Variants in ANKRD36 observed in about 807,000 individuals in gnomAD.
ANKRD36 encodes the protein ankyrin repeat domain 36.
In ANKRD36, 179 loss-of-function variants were observed where a neutral mutation model predicts 278.1. The observed-to-expected ratio is 0.64, with a 90% CI of 0.57 to 0.73. ANKRD36 has a LOEUF of 0.73. Ranked by LOEUF, ANKRD36 falls within the 30% of genes least tolerant of loss-of-function variation. ANKRD36 has a pLI of 0.00. For missense variants in ANKRD36, 1,159 were observed against 1,956.7 expected (o/e 0.59, Z 7.69); for synonymous variants, 320 against 641.1 (o/e 0.50, Z 7.57).
At chr2:97,122,558 A>G (rs2037181491) in intron 3 of ANKRD36, among the ~76,000 whole-genome samples, 1 of 149,166 alleles carries the variant, frequency 6.7e-6, no homozygotes, top group South Asian at 2.2e-4. Context: ...TGCTGCCCTC[A>G]AGAAGCTCTT....
At chr2:97,217,439 T>C in intron 64 of ANKRD36, 67 bp downstream of exon 64, 3 of 1,545,182 alleles carry the variant, frequency 1.9e-6, no homozygotes, top group Admixed American at 2.0e-5. Context: ...CACCCCTGAA[T>C]AGATCAGCAG....
intron 67 of ANKRD36, among the ~76,000 whole-genome samples, chr2:97,226,984 T>C (rs2069951044): frequency 6.6e-6 from 1 of 152,090 alleles, no homozygotes; most frequent in African/African-American, 2.4e-5. Flanking sequence ...CATTGGTCTA[T>C]ATCTCTGTTT....
rs1171173814 is a variant in ANKRD36, at chr2:97,213,446, A to G, written c.3497A>G (p.Lys1166Arg). The G allele has an allele frequency of 1.9e-6, 1 of 535,578 alleles. No individual in the cohort carries two copies. Among genetic ancestry groups the G allele is most frequent in the African/African-American group, 3.3e-5 (1 of 30,414 alleles). 33.2% of individuals were successfully genotyped at this position (535,578 alleles called of 1,614,324 possible). A position where few individuals can be genotyped will look rare whatever the true frequency, so the allele number is the denominator to read the frequency against. ...TVSCQKQPAL[K>R]ATSDKKDSVS... ...TCTTGTCAGAAACAACCAGCCTTGA[A>G]GGTAATTAAACTCTCATTTATATTG... is the stretch of plus-strand genomic sequence containing the variant. Residue 1166 changes from lysine to arginine, a missense_variant and splice_region_variant, in exon 59 of 76, where the codon AAG (lysine) becomes AGG (arginine). By Grantham distance (26) the Lys-to-Arg change is conservative. Coordinates refer to ENST00000420699, the MANE Select transcript of ANKRD36 (RefSeq NM_001354587.1).
chr2:97,159,028 GAAGT>G (rs2048207095), intron 17 of ANKRD36, among the ~76,000 whole-genome samples: 2 of 152,154 alleles, frequency 1.3e-5, no homozygotes, highest in South Asian at 2.1e-4. Flanking sequence ...GGAGGGGAAA[GAAGT>G]AAGAATACAG....
intron 68 of ANKRD36, among the ~76,000 whole-genome samples, chr2:97,235,399 G>A (rs1445732961): frequency 3.8e-4 from 56 of 145,882 alleles, no homozygotes; most frequent in Non-Finnish European, 7.4e-4. Context: ...GGGAAACCCA[G>A]TGTTTGAGTC....
chr2:97,206,708 C>G (rs73959728), intron 52 of ANKRD36, among the ~76,000 whole-genome samples: 3,570 of 151,488 alleles, frequency 0.024, 132 homozygotes, highest in African/African-American at 0.081. Context: ...ATAAAAAGTA[C>G]TTGATTTTGG....
In ANKRD36 at chr2:97,179,874, A is replaced by G; in HGVS notation, c.1676A>G (p.Asp559Gly). The change falls in exon 24 of 76, where the codon GAC becomes GGC. Residue 559 changes from aspartate (D) to glycine (G), a missense_variant. Physicochemically the swap from Asp to Gly is moderately conservative, Grantham distance 94. Coordinates refer to ENST00000420699, the MANE Select transcript of ANKRD36 (RefSeq NM_001354587.1). The part of the protein sequence containing the change: ...KQPAEKATSD[D>G]KDSVSNIATE... Reference sequence around the variant, plus strand: ...AATCCCATTCAGGCTACAAGTGACGACAAAGATTCTGTTTCAAATATAGCC... The same window carrying G: ...AATCCCATTCAGGCTACAAGTGACGGCAAAGATTCTGTTTCAAATATAGCC... The G allele has an allele frequency of 1.2e-6, 2 of 1,605,252 alleles. No homozygotes were observed. Among genetic ancestry groups the G allele is most frequent in the Non-Finnish European group, 1.7e-6 (2 of 1,178,338 alleles).
chr2:97,206,454 A>C (rs2062872648), intron 52 of ANKRD36, among the ~76,000 whole-genome samples: 1 of 151,434 alleles, frequency 6.6e-6, no homozygotes, highest in Non-Finnish European at 1.5e-5. Flanking sequence ...TGGAAGGAGA[A>C]AGAGAGGAAG....
chr2:97,215,856 T>G lies in ANKRD36; in HGVS notation c.3673+359T>G, dbSNP rs901555692. The G allele has an allele frequency of 2.4e-5, 14 of 575,198 alleles. 1 individual carries two copies. The highest frequency in any genetic ancestry group is 3.9e-5 in the Non-Finnish European group (13 of 336,662). The allele number at this position is 575,198 out of a possible 1,614,324, so 35.6% of individuals were successfully genotyped here. ...AGATATTATAGGCGTCAGATCATATTGTTATAAACAGAGGGAAAAGTGATC... is the reference window on the plus strand; with the variant it reads ...AGATATTATAGGCGTCAGATCATATGGTTATAAACAGAGGGAAAAGTGATC... On this transcript the variant is annotated intron_variant, in intron 62 of 75. Transcript: ENST00000420699.
chr2:97,187,012 G>A lies in ANKRD36; in HGVS notation c.2042-186G>A, dbSNP rs74973154. On this transcript the variant is annotated intron_variant, in intron 30 of 75. Coordinates refer to ENST00000420699, the MANE Select transcript of ANKRD36 (RefSeq NM_001354587.1). ...TTGAAATAGTTAGGAATATATCGTG[G>A]CACATCTATTTCTGTTTTCTTTAGT... Among the ~76,000 whole-genome samples, 873 of 151,822 alleles carry A rather than the reference G, an allele frequency of 5.8e-3. 16 individuals are homozygous for A. The highest frequency in any genetic ancestry group is 0.02 in the African/African-American group (814 of 41,408).
chr2:97,184,940 C>T (rs11681875), intron 28 of ANKRD36, among the ~76,000 whole-genome samples: 89,357 of 151,502 alleles, frequency 0.59, 30,605 homozygotes, highest in Non-Finnish European at 0.78. Context: ...CTTTTGATAC[C>T]TTGCATGAAA....
chr2:97,227,641 A>G (rs2153665818), intron 67 of ANKRD36, among the ~76,000 whole-genome samples: 2 of 152,220 alleles, frequency 1.3e-5, no homozygotes, highest in South Asian at 4.2e-4. Flanking sequence ...TAATGGCCCT[A>G]ACCAGAACTT....
chr2:97,152,010 AAC>A, intron 13 of ANKRD36, 71 bp downstream of exon 13: 1 of 1,231,010 alleles, frequency 8.1e-7, no homozygotes, highest in Non-Finnish European at 1.1e-6. Context: ...TTCTTTGTGA[AAC>A]ACAGTCTTAC....
intron 64 of ANKRD36, 134 bp downstream of exon 64, chr2:97,217,506 C>G: frequency 8.0e-7 from 1 of 1,251,916 alleles, no homozygotes; most frequent in East Asian, 2.6e-5. Flanking sequence ...TGCATTTCTA[C>G]TGAGTTGTCA....
chr2:97,133,978 C>G (rs1477511256), intron 6 of ANKRD36, among the ~76,000 whole-genome samples: 1 of 152,030 alleles, frequency 6.6e-6, no homozygotes, highest in East Asian at 1.9e-4. Context: ...TGGTATTGTA[C>G]CTTCTATAAA....
At chr2:97,187,494 G>GGGGTGT in intron 32 of ANKRD36, 93 bp downstream of exon 32, 1 of 95,518 alleles carries the variant, frequency 1.0e-5, no homozygotes. Flanking sequence ...GGGTGGGGGG[G>GGGGTGT]CTCGCCGAAG....
chr2:97,133,804 GAACCT>G (rs1173727936), intron 6 of ANKRD36, among the ~76,000 whole-genome samples: 2 of 151,938 alleles, frequency 1.3e-5, no homozygotes, highest in East Asian at 3.9e-4. Context: ...ATATTGAAAA[GAACCT>G]AAAGAGATTT....
rs778396994 is a variant in ANKRD36 at position 97,144,559 on chromosome 2, C to T, written c.930+13C>T. 2.5e-6 allele frequency: 4 copies of T among 1,581,400 alleles called. No homozygotes were observed. In the East Asian group the frequency reaches 6.8e-5, roughly 27 times the overall value. ...ACCGGCCTTGAAGGTATTATACTCT[C>T]ATTCATATTTTGAATAATTAACTGT... is the stretch of plus-strand genomic sequence containing the variant. On this transcript the variant is annotated intron_variant, in intron 9 of 75. Coordinates refer to ENST00000420699, the MANE Select transcript of ANKRD36 (RefSeq NM_001354587.1).
chr2:97,203,712 A>C (rs1338655455), intron 48 of ANKRD36, among the ~76,000 whole-genome samples: 2 of 151,948 alleles, frequency 1.3e-5, no homozygotes, highest in East Asian at 1.9e-4. Flanking sequence ...ATGTGGGATC[A>C]TGTAGCACCT....
Sources: gnomAD v4.1 joint callset for allele counts (sites outside exome capture counted in the v4.1 genomes callset) on GRCh38, gnomAD v4.1.1 for gene constraint, MANE v1.5 for transcripts, NCBI Gene and HGNC (gene_info 2026-07-23, HGNC 2026-07-21) for gene names.